The following P2RY6 variants were observed in gnomAD, a reference collection of about 807,000 sequenced individuals.
P2RY6 encodes P2Y purinoceptor 6.
P2RY6 carries 19 observed loss-of-function variants against 16.3 expected under a neutral mutation model. The observed-to-expected ratio is 1.16, with a 90% CI of 0.81 to 1.71. P2RY6 has a LOEUF of 1.71. P2RY6 is among the 40% of genes most tolerant of loss of function. The probability of loss-of-function intolerance (pLI) is 0.00; values close to 1 mark genes in which losing one functional copy is unlikely to be tolerated. For synonymous variants in P2RY6, 184 were observed against 201.5 expected (o/e 0.91, Z 0.74); for missense variants, 389 against 455.5 (o/e 0.85, Z 1.33).
rs967915720 is a variant in P2RY6, at chr11:73,297,667, C to A, written c.*162C>A. On this transcript the variant is annotated 3_prime_UTR_variant, in exon 3 of 3. Coordinates refer to ENST00000540124, the MANE Select transcript of P2RY6 (RefSeq NM_001277204.2). ...AGCTCACCAAAAACTATTTCTTCAGCCCCTTCTCTGGCCCAGACCCTGTGG... is the reference window on the plus strand; with the variant it reads ...AGCTCACCAAAAACTATTTCTTCAGACCCTTCTCTGGCCCAGACCCTGTGG... 4.7e-6 allele frequency: 3 copies of A among 644,476 alleles called. No homozygotes were observed. In the Admixed American group the frequency reaches 8.8e-5, roughly 19 times the overall value. The allele number at this position is 644,476 out of a possible 1,614,324, so 39.9% of individuals were successfully genotyped here. A position where few individuals can be genotyped will look rare whatever the true frequency, so the allele number is the denominator to read the frequency against.
chr11:73,276,126 T>C (rs1175444464), intron 1 of P2RY6, among the ~76,000 whole-genome samples: 1 of 152,094 alleles, frequency 6.6e-6, no homozygotes, highest in Non-Finnish European at 1.5e-5. Flanking sequence ...AATGACAACA[T>C]AAGAAAAGGA....
intron 1 of P2RY6, among the ~76,000 whole-genome samples, chr11:73,285,321 G>A (rs552287637): frequency 3.3e-5 from 5 of 152,194 alleles, no homozygotes; most frequent in Admixed American, 1.3e-4. Flanking sequence ...TGATCCTCCC[G>A]CCTTGGCCTC....
intron 1 of P2RY6, among the ~76,000 whole-genome samples, chr11:73,284,336 G>T (rs1187418410): frequency 6.6e-6 from 1 of 152,140 alleles, no homozygotes; most frequent in East Asian, 1.9e-4. Context: ...CTGGGTCCTG[G>T]TGGGGAGGCC....
At chr11:73,280,485 T>C (rs1863714212) in intron 1 of P2RY6, among the ~76,000 whole-genome samples, 1 of 152,194 alleles carries the variant, frequency 6.6e-6, no homozygotes, top group African/African-American at 2.4e-5. Flanking sequence ...TGCCTCTACA[T>C]ACACTTGACC....
chr11:73,274,159 G>A (rs551268325), intron 1 of P2RY6, among the ~76,000 whole-genome samples: 1 of 152,204 alleles, frequency 6.6e-6, no homozygotes, highest in African/African-American at 2.4e-5. Flanking sequence ...ATGGAGGCTT[G>A]TTGAAGGGAA....
intron 1 of P2RY6, among the ~76,000 whole-genome samples, chr11:73,293,802 C>T (rs935846135): frequency 1.9e-4 from 29 of 152,138 alleles, no homozygotes; most frequent in Non-Finnish European, 4.0e-4. Context: ...GGTGTGGGAG[C>T]GGCACACTGC....
rs1169464826 is a variant in P2RY6 at position 73,297,870 on chromosome 11, G to C, written c.*365G>C. 1.6e-5 allele frequency: 4 copies of C among 247,556 alleles called. No individual in the cohort carries two copies. Among genetic ancestry groups the C allele is most frequent in the Non-Finnish European group, 3.3e-5 (4 of 119,514 alleles). The allele number at this position is 247,556 out of a possible 1,614,324, so 15.3% of individuals were successfully genotyped here. A position where few individuals can be genotyped will look rare whatever the true frequency, so the allele number is the denominator to read the frequency against. On this transcript the variant is annotated 3_prime_UTR_variant, in exon 3 of 3. Transcript: ENST00000540124. ...GGGTGAGGGAAGATGAGAGGGGGAG[G>C]TGAGAGCTTCTGGGAAGGGGCATTT...
chr11:73,264,673 CA>C (rs1863044250), intron 1 of P2RY6: 3 of 152,456 alleles, frequency 2.0e-5, no homozygotes, highest in Admixed American at 6.5e-5. Context: ...CGGGCAGGGA[CA>C]GGGGTAAGGG....
intron 1 of P2RY6, among the ~76,000 whole-genome samples, chr11:73,287,744 A>T (rs1333520002): frequency 6.6e-6 from 1 of 152,236 alleles, no homozygotes; most frequent in Non-Finnish European, 1.5e-5. Context: ...AGACAAACAA[A>T]TGGGACAGCC....
upstream of P2RY6, among the ~76,000 whole-genome samples, chr11:73,268,924 C>T (rs528930785): frequency 6.6e-6 from 1 of 152,224 alleles, no homozygotes; most frequent in Non-Finnish European, 1.5e-5. Context: ...CAGCCCTTGA[C>T]TCATGTGGAT....
intron 1 of P2RY6, among the ~76,000 whole-genome samples, chr11:73,290,315 G>GAAAGAAAGAAAGA (rs1864166777): frequency 1.1e-5 from 1 of 91,194 alleles, no homozygotes; most frequent in Non-Finnish European, 2.5e-5. Context: ...AAGAAAGAAA[G>GAAAGAAAGAAAGA]AAAGAAAGAA....
At chr11:73,294,912 G>A (rs1319525919) in intron 1 of P2RY6, among the ~76,000 whole-genome samples, 1 of 152,080 alleles carries the variant, frequency 6.6e-6, no homozygotes, top group Non-Finnish European at 1.5e-5. Context: ...AGACCACAGA[G>A]CTCATCCATG....
chr11:73,267,830 G>A (rs1863155372), upstream of P2RY6, among the ~76,000 whole-genome samples: 1 of 152,238 alleles, frequency 6.6e-6, no homozygotes, highest in South Asian at 2.1e-4. Flanking sequence ...TGGCTGAAGA[G>A]GGTGAGCCAG....
intron 2 of P2RY6, among the ~76,000 whole-genome samples, chr11:73,296,238 A>G (rs1292689105): frequency 8.3e-6 from 1 of 121,110 alleles, no homozygotes; most frequent in East Asian, 2.2e-4. Flanking sequence ...AAAAAAATAT[A>G]TATATATATA....
Position 73,296,766 on chromosome 11 carries a change from T to A in P2RY6, c.248T>A (p.Ile83Asn), listed in dbSNP as rs575532425. 3.1e-6 allele frequency: 5 copies of A among 1,612,734 alleles called. No individual in the cohort carries two copies. In the African/African-American group the frequency reaches 4.0e-5, roughly 13 times the overall value. ...TATGCCTGCTCCCTGCCCCTGCTCA[T>A]CTACAACTATGCCCAAGGTGATCAC... The part of the protein sequence containing the change: ...LLYACSLPLL[I>N]YNYAQGDHWP... Residue 83 changes from isoleucine (I) to asparagine (N), a missense_variant, in exon 3 of 3, where the codon ATC becomes AAC. Ile to Asn is a moderately radical substitution (Grantham distance 149). Coordinates refer to ENST00000540124, the MANE Select transcript of P2RY6 (RefSeq NM_001277204.2).
At chr11:73,266,921 T>G (rs6592517) in intron 1 of P2RY6, among the ~76,000 whole-genome samples, 36,981 of 152,042 alleles carry the variant, frequency 0.24, 6,143 homozygotes, top group African/African-American at 0.48. Context: ...GCCCTGACTT[T>G]CTGAGTGATA....
At chr11:73,291,207 G>A (rs1307909293) in intron 1 of P2RY6, among the ~76,000 whole-genome samples, 1 of 152,196 alleles carries the variant, frequency 6.6e-6, no homozygotes, top group African/African-American at 2.4e-5. Context: ...TGCACGTCTG[G>A]GTGGATAAGG....
At chr11:73,272,118 T>C (rs1258790026), upstream of P2RY6, 2 of 152,656 alleles carry the variant, frequency 1.3e-5, no homozygotes, top group Non-Finnish European at 2.9e-5. Context: ...AACAGTCCCT[T>C]GGGCTAAATT....
At chr11:73,272,090 A>G (rs922778211), upstream of P2RY6, 14 of 152,224 alleles carry the variant, frequency 9.2e-5, no homozygotes, top group African/African-American at 3.4e-4. Flanking sequence ...CTGAAATGTT[A>G]TCTCACTCCA....
Sources: allele counts gnomAD v4.1 joint callset (sites outside exome capture counted in the v4.1 genomes callset), GRCh38; gene constraint gnomAD v4.1.1; transcripts MANE v1.5; gene names NCBI Gene and HGNC (gene_info 2026-07-23, HGNC 2026-07-21).